REC114: variants seen among roughly 807,000 people sequenced by gnomAD.
REC114 encodes the protein REC114 meiotic recombination protein.
REC114 carries 27 observed loss-of-function variants against 31.3 expected under a neutral mutation model. The observed-to-expected ratio is 0.86, with a 90% CI of 0.64 to 1.19. The LOEUF (loss-of-function observed/expected upper bound fraction) is 1.19, where lower values mean the gene tolerates loss of function less well. Ranked by LOEUF, REC114 falls within the 50% of genes most tolerant of loss-of-function variation. The pLI is 0.00. For missense variants in REC114, 344 were observed against 326.9 expected (o/e 1.05, Z -0.40); for synonymous variants, 134 against 127.7 (o/e 1.05, Z -0.33).
intron 3 of REC114, 106 bp downstream of exon 3, chr15:73,540,674 A>T: frequency 1.0e-6 from 1 of 968,724 alleles, no homozygotes; most frequent in Non-Finnish European, 1.7e-6. Context: ...GGAAGAATAC[A>T]AATGTTTAAG....
chr15:73,479,842 G>A (rs1595865770), intron 2 of REC114, among the ~76,000 whole-genome samples: 1 of 152,058 alleles, frequency 6.6e-6, no homozygotes. Flanking sequence ...ATCCACTGAT[G>A]GACCCTTAGG....
At chr15:73,469,772 C>A (rs1893108320) in intron 1 of REC114, among the ~76,000 whole-genome samples, 1 of 151,172 alleles carries the variant, frequency 6.6e-6, no homozygotes, top group African/African-American at 2.4e-5. Flanking sequence ...GCAAGCTCCA[C>A]CTCCTGGGTT....
At chr15:73,488,512 G>A (rs1893402946) in intron 2 of REC114, among the ~76,000 whole-genome samples, 1 of 152,168 alleles carries the variant, frequency 6.6e-6, no homozygotes, top group Non-Finnish European at 1.5e-5. Flanking sequence ...ATTTTGCTCA[G>A]AGATTTCTTC....
chr15:73,482,144 A>G (rs1175988368), intron 2 of REC114, among the ~76,000 whole-genome samples: 2 of 152,068 alleles, frequency 1.3e-5, no homozygotes, highest in African/African-American at 4.8e-5. Flanking sequence ...TTCAGTTTCT[A>G]TGAATTTGAC....
At chr15:73,552,420 A>C (rs1450916289) in intron 4 of REC114, among the ~76,000 whole-genome samples, 1 of 152,238 alleles carries the variant, frequency 6.6e-6, no homozygotes, top group Non-Finnish European at 1.5e-5. Context: ...GTTTTAGAAA[A>C]GTTATTTTCC....
intron 1 of REC114, among the ~76,000 whole-genome samples, chr15:73,462,702 G>A (rs1893005001): frequency 6.6e-6 from 1 of 151,904 alleles, no homozygotes; most frequent in South Asian, 2.1e-4. Context: ...TGGCTAACAC[G>A]GTGAAACCGC....
At chr15:73,527,872 G>T (rs1043563727) in intron 2 of REC114, among the ~76,000 whole-genome samples, 1 of 151,960 alleles carries the variant, frequency 6.6e-6, no homozygotes, top group Non-Finnish European at 1.5e-5. Context: ...GTGTGATGTC[G>T]TTATCTATAC....
intron 2 of REC114, among the ~76,000 whole-genome samples, chr15:73,487,889 C>G (rs1893393581): frequency 6.6e-6 from 1 of 152,204 alleles, no homozygotes; most frequent in Non-Finnish European, 1.5e-5. Flanking sequence ...TGCCTGGGCC[C>G]TAAGGCTCTC....
chr15:73,555,396 A>C (rs1270060750), intron 4 of REC114, among the ~76,000 whole-genome samples: 2 of 152,114 alleles, frequency 1.3e-5, no homozygotes, highest in Non-Finnish European at 2.9e-5. Flanking sequence ...AGGGCCCTTC[A>C]TGCCTCCAGA....
chr15:73,507,757 T>C (rs1893701388), intron 2 of REC114, among the ~76,000 whole-genome samples: 1 of 152,188 alleles, frequency 6.6e-6, no homozygotes, highest in African/African-American at 2.4e-5. Context: ...ATTTTTGTTT[T>C]AACAAAGAGC....
At chr15:73,471,085 A>G (rs939029457) in intron 1 of REC114, among the ~76,000 whole-genome samples, 31 of 152,162 alleles carry the variant, frequency 2.0e-4, no homozygotes, top group African/African-American at 7.2e-4. Flanking sequence ...TGGAAATGAC[A>G]TGATCTGACT....
At chr15:73,499,643 A>T (rs1215523685) in intron 2 of REC114, among the ~76,000 whole-genome samples, 1 of 152,180 alleles carries the variant, frequency 6.6e-6, no homozygotes, top group Non-Finnish European at 1.5e-5. Flanking sequence ...AAGTCTGGTC[A>T]GATAATTTTC....
At chr15:73,475,349 C>G (rs1399567335) in intron 2 of REC114, among the ~76,000 whole-genome samples, 1 of 152,136 alleles carries the variant, frequency 6.6e-6, no homozygotes, top group African/African-American at 2.4e-5. Context: ...GTTGCATATA[C>G]AGTCATGTGT....
At position 73,463,659 on chromosome 15, in the gene REC114, A is replaced by G. The variant is rs186224876; in HGVS notation, c.160-10173A>G. Among the ~76,000 whole-genome samples, 79 of 151,954 alleles carry G rather than the reference A, an allele frequency of 5.2e-4. 1 individual carries two copies. The highest frequency in any genetic ancestry group is 6.8e-3 in the Middle Eastern group (2 of 294). ...AACATAGTGAAACCCCATCTCTACT[A>G]AAAATACAAAACTTAGCTGGGTATG... On this transcript the variant is annotated intron_variant, in intron 1 of 5. Coordinates refer to ENST00000331090, the MANE Select transcript of REC114 (RefSeq NM_001042367.2).
intron 1 of REC114, among the ~76,000 whole-genome samples, chr15:73,445,101 G>A (rs1291268753): frequency 6.6e-6 from 1 of 152,198 alleles, no homozygotes; most frequent in African/African-American, 2.4e-5. Context: ...AGCACAGGCA[G>A]AGTAGATTTA....
chr15:73,507,073 A>T (rs1372043044), intron 2 of REC114, among the ~76,000 whole-genome samples: 2 of 152,170 alleles, frequency 1.3e-5, no homozygotes, highest in Non-Finnish European at 2.9e-5. Flanking sequence ...ATAAAGTTTT[A>T]AAAAAAGACA....
At chr15:73,463,510 T>G (rs181905427) in intron 1 of REC114, among the ~76,000 whole-genome samples, 1 of 152,372 alleles carries the variant, frequency 6.6e-6, no homozygotes, top group East Asian at 1.9e-4. Context: ...TGATGTTTTC[T>G]CTTCATTTAC....
intron 2 of REC114, among the ~76,000 whole-genome samples, chr15:73,497,138 T>C (rs780655025): frequency 2.6e-5 from 4 of 152,174 alleles, no homozygotes; most frequent in Non-Finnish European, 5.9e-5. Flanking sequence ...CCTTTTCCCT[T>C]TGTAATTAAC....
At chr15:73,462,020 C>T (rs965258357) in intron 1 of REC114, among the ~76,000 whole-genome samples, 27 of 149,436 alleles carry the variant, frequency 1.8e-4, no homozygotes, top group African/African-American at 6.7e-4. Context: ...CAACCTCTGC[C>T]GCCCGAGTTC....
Sources: allele counts gnomAD v4.1 joint callset (sites outside exome capture counted in the v4.1 genomes callset), GRCh38; gene constraint gnomAD v4.1.1; transcripts MANE v1.5; gene names NCBI Gene and HGNC (gene_info 2026-07-23, HGNC 2026-07-21).